The following TENM3 variants were observed in gnomAD, a reference collection of about 807,000 sequenced individuals.
TENM3 encodes the protein teneurin transmembrane protein 3, also known as teneurin-3.
A neutral mutation model predicts 255.1 loss-of-function variants in TENM3; 63 were observed. The observed-to-expected ratio is 0.25, with a 90% CI of 0.20 to 0.30. The LOEUF (loss-of-function observed/expected upper bound fraction) is 0.30. TENM3 is among the 10% of genes least tolerant of loss of function. TENM3 has a pLI of 1.00. For synonymous variants in TENM3, 1,306 were observed against 1,322.3 expected, an observed-to-expected ratio of 0.99 and a Z score of 0.27; for missense variants, 2,929 against 3,461.1, an observed-to-expected ratio of 0.85 and a Z score of 3.86.
At chr4:182,270,268 A>C (rs571329355) in intron 1 of TENM3, among the ~76,000 whole-genome samples, 1 of 152,174 alleles carries the variant, frequency 6.6e-6, no homozygotes, top group South Asian at 2.1e-4. Flanking sequence ...TTCTCTGTAG[A>C]TGCTAATTCC....
intron 3 of TENM3, among the ~76,000 whole-genome samples, chr4:182,529,076 T>G (rs1739517191): frequency 1.3e-5 from 2 of 152,370 alleles, no homozygotes; most frequent in Admixed American, 1.3e-4. Context: ...AAACTCACTT[T>G]GGCTTATGAA....
At chr4:182,411,058 T>G (rs1274514708) in intron 3 of TENM3, among the ~76,000 whole-genome samples, 1 of 152,172 alleles carries the variant, frequency 6.6e-6, no homozygotes, top group Non-Finnish European at 1.5e-5. Context: ...AAATAGAGCA[T>G]TCACCTGCTG....
intron 6 of TENM3, among the ~76,000 whole-genome samples, chr4:182,663,015 T>G (rs2152533730): frequency 6.6e-6 from 1 of 152,336 alleles, no homozygotes; most frequent in South Asian, 2.1e-4. Flanking sequence ...AGCTGCCGTT[T>G]CAGTGGATCT....
intron 1 of TENM3, among the ~76,000 whole-genome samples, chr4:182,188,583 G>A (rs1257693927): frequency 1.3e-5 from 2 of 152,214 alleles, no homozygotes; most frequent in East Asian, 3.8e-4. Flanking sequence ...TTGGTCTTTT[G>A]AAGTGGGTCC....
chr4:182,435,702 GA>G (rs1771990051), intron 3 of TENM3, among the ~76,000 whole-genome samples: 1 of 152,088 alleles, frequency 6.6e-6, no homozygotes, highest in South Asian at 2.1e-4. Context: ...ATAGAATAGG[GA>G]AAAAGGCACA....
chr4:182,507,564 A>G (rs538779832), intron 3 of TENM3, among the ~76,000 whole-genome samples: 67 of 152,340 alleles, frequency 4.4e-4, no homozygotes, highest in African/African-American at 1.6e-3. Context: ...AGTCTTGTCC[A>G]GGAAGCTGTT....
chr4:181,475,041 C>T, the TENM3 span, among the ~76,000 whole-genome samples: 136 of 152,198 alleles, frequency 8.9e-4, no homozygotes, highest in Non-Finnish European at 1.7e-3. Context: ...ATACACCTAC[C>T]GGAGATCTAT....
At chr4:182,082,719 T>G in the TENM3 span, among the ~76,000 whole-genome samples, 1 of 152,168 alleles carries the variant, frequency 6.6e-6, no homozygotes, top group Non-Finnish European at 1.5e-5. Flanking sequence ...AACAATAAGA[T>G]GGGAACATGA....
intron 3 of TENM3, among the ~76,000 whole-genome samples, chr4:182,511,233 A>G (rs1432037620): frequency 6.6e-6 from 1 of 152,198 alleles, no homozygotes; most frequent in Non-Finnish European, 1.5e-5. Context: ...CAAATACTAT[A>G]CTAATACTCA....
rs989564551 is a variant in TENM3 at position 182,680,811 on chromosome 4, T to C, written c.1834+74T>C. ...ACAGATTGTATCTGTAATCTTTAGT[T>C]GGGCAGATCTCTTTTATACGCTTCC... On this transcript the variant is annotated intron_variant, in intron 10 of 27. Transcript: ENST00000511685. 4.2e-6 allele frequency: 5 copies of C among 1,201,536 alleles called. No individual in the cohort carries two copies. The African/African-American group carries it at 7.8e-5, about 19-fold the overall frequency. The allele number at this position is 1,201,536 out of a possible 1,614,324, so 74.4% of individuals were successfully genotyped here.
chr4:182,254,371 T>A (rs1178648119), intron 1 of TENM3, among the ~76,000 whole-genome samples: 2 of 151,550 alleles, frequency 1.3e-5, no homozygotes, highest in African/African-American at 4.9e-5. Context: ...TAAAACATGA[T>A]AGAAAAGAAA....
the TENM3 span, among the ~76,000 whole-genome samples, chr4:181,868,351 C>G: frequency 1.4e-4 from 21 of 151,748 alleles, no homozygotes; most frequent in Non-Finnish European, 2.1e-4. Flanking sequence ...TTTATATAAA[C>G]AGAGGAACTA....
chr4:182,679,795 T>C lies in TENM3; in HGVS notation c.1456T>C (p.Leu486=). 6.2e-7 allele frequency: 1 copy of C among 1,613,970 alleles called. No homozygotes were observed. The highest frequency in any genetic ancestry group is 1.1e-5 in the South Asian group (1 of 91,084). The change falls in exon 8 of 28, where the codon TTG becomes CTG. Residue 486 remains leucine (L), a synonymous_variant. Transcript: ENST00000511685. ...TCATGAGGCCGGCTTTATCCAGTAC[T>C]TGGATTCTGGAATCTGGCATCTGGC... ...SLHEAGFIQY[L]DSGIWHLAFY... is the part of the protein sequence containing the mutation.
chr4:182,259,204 G>A (rs1308477266), intron 1 of TENM3, among the ~76,000 whole-genome samples: 1 of 152,184 alleles, frequency 6.6e-6, no homozygotes, highest in Non-Finnish European at 1.5e-5. Flanking sequence ...AAGGTAAGCA[G>A]ATCTGACTGT....
the TENM3 span, among the ~76,000 whole-genome samples, chr4:181,713,864 G>A: frequency 6.6e-6 from 1 of 152,052 alleles, no homozygotes; most frequent in Non-Finnish European, 1.5e-5. Flanking sequence ...TGCTTACGGT[G>A]ATCAAGGTAC....
At chr4:182,649,606 T>C (rs1052023942) in intron 5 of TENM3, among the ~76,000 whole-genome samples, 4 of 150,602 alleles carry the variant, frequency 2.7e-5, no homozygotes, top group African/African-American at 7.3e-5. Context: ...TTTGTAACTT[T>C]TAAGTTGTTG....
chr4:181,559,767 A>G, the TENM3 span, among the ~76,000 whole-genome samples: 1 of 152,200 alleles, frequency 6.6e-6, no homozygotes, highest in Admixed American at 6.5e-5. Flanking sequence ...TTGTTTGCCT[A>G]GGAGGCTGCA....
At chr4:181,551,664 A>G in the TENM3 span, among the ~76,000 whole-genome samples, 1 of 152,104 alleles carries the variant, frequency 6.6e-6, no homozygotes, top group African/African-American at 2.4e-5. Context: ...TTGAAAAGAG[A>G]TGGCCTAAAT....
the TENM3 span, among the ~76,000 whole-genome samples, chr4:181,578,857 C>T: frequency 6.6e-6 from 1 of 152,120 alleles, no homozygotes; most frequent in Admixed American, 6.6e-5. Context: ...TTCAAGGGCC[C>T]TATCTCCAAA....
Sources: allele counts gnomAD v4.1 joint callset (sites outside exome capture counted in the v4.1 genomes callset), GRCh38; gene constraint gnomAD v4.1.1; transcripts MANE v1.5; gene names NCBI Gene and HGNC (gene_info 2026-07-23, HGNC 2026-07-21).